Variants in GPC6 observed in about 807,000 individuals in gnomAD.
GPC6 encodes glypican 6, also known as glypican-6.
A neutral mutation model predicts 55.2 loss-of-function variants in GPC6; 14 were observed. The ratio of observed to expected loss-of-function variants is 0.25; its 90% CI spans 0.17 to 0.40. The LOEUF (loss-of-function observed/expected upper bound fraction) is 0.40. Among genes scored for constraint, GPC6 ranks in the 10% least tolerant of loss-of-function variants. The probability of loss-of-function intolerance (pLI) is 1.00; values close to 1 mark genes in which losing one functional copy is unlikely to be tolerated. For missense variants in GPC6, 641 were observed against 708.5 expected (o/e 0.90, Z 1.08); for synonymous variants, 278 against 259.6 (o/e 1.07, Z -0.68).
At position 94,305,038 on chromosome 13, in the gene GPC6, G is replaced by T. The variant is rs145693012; in HGVS notation, c.1009-942G>T. ...TGTCATGATAACAGGAATCCCAAACGGATGTTTATAGAATGCCAAATTCAA... is the reference window on the plus strand; with the variant it reads ...TGTCATGATAACAGGAATCCCAAACTGATGTTTATAGAATGCCAAATTCAA... On this transcript the variant is annotated intron_variant, in intron 5 of 8. Coordinates refer to ENST00000377047, the MANE Select transcript of GPC6 (RefSeq NM_005708.5). Among the ~76,000 whole-genome samples, 13 of 152,216 alleles carry T rather than the reference G, an allele frequency of 8.5e-5. 1 individual carries two copies. In the East Asian group the frequency reaches 2.5e-3, roughly 29 times the overall value.
intron 2 of GPC6, among the ~76,000 whole-genome samples, chr13:93,565,945 A>C (rs561411426): frequency 1.3e-5 from 2 of 151,314 alleles, no homozygotes; most frequent in East Asian, 3.9e-4. Context: ...AAAAAAAAAA[A>C]AGAAAAAAAA....
chr13:93,972,949 TTC>T (rs1208989915), intron 3 of GPC6, among the ~76,000 whole-genome samples: 3 of 141,026 alleles, frequency 2.1e-5, no homozygotes, highest in Non-Finnish European at 3.2e-5. Flanking sequence ...CTCTCTGTCT[TTC>T]TCTCTCTCTC....
At chr13:93,483,042 C>T (rs1282121522) in intron 1 of GPC6, among the ~76,000 whole-genome samples, 1 of 152,128 alleles carries the variant, frequency 6.6e-6, no homozygotes, top group Non-Finnish European at 1.5e-5. Context: ...CAGACAGGCA[C>T]TCATCCTGAT....
At chr13:93,974,596 AT>A (rs1239874751) in intron 3 of GPC6, among the ~76,000 whole-genome samples, 1 of 152,102 alleles carries the variant, frequency 6.6e-6, no homozygotes, top group Non-Finnish European at 1.5e-5. Context: ...GGGCTATTTT[AT>A]TTTTTAATAG....
intron 7 of GPC6, among the ~76,000 whole-genome samples, chr13:94,386,142 G>T (rs1357721336): frequency 6.6e-6 from 1 of 151,822 alleles, no homozygotes; most frequent in African/African-American, 2.4e-5. Flanking sequence ...GGCGGATGAT[G>T]AGGTCAGCAG....
In GPC6 at chr13:93,651,054, A is replaced by G. The variant is rs1462847914; in HGVS notation, c.319+105633A>G. Among the ~76,000 whole-genome samples the G allele has an allele frequency of 2.0e-5, 3 of 152,200 alleles. No homozygotes were observed. The East Asian group carries it at 5.8e-4, about 29-fold the overall frequency. ...GAACTTTCTTCAGTCTGTACATCTA[A>G]ATATGCAAGTGCAAACACAAGAGGC... On this transcript the variant is annotated intron_variant, in intron 2 of 8. Transcript: ENST00000377047.
intron 1 of GPC6, among the ~76,000 whole-genome samples, chr13:93,361,703 T>C (rs2139178077): frequency 6.6e-6 from 1 of 152,306 alleles, no homozygotes; most frequent in East Asian, 1.9e-4. Flanking sequence ...CTTCCTATTC[T>C]ATTATGAGAT....
chr13:93,650,567 A>G (rs1359270230), intron 2 of GPC6, among the ~76,000 whole-genome samples: 1 of 152,208 alleles, frequency 6.6e-6, no homozygotes, highest in Non-Finnish European at 1.5e-5. Context: ...CAGTTTCATG[A>G]TAGAAATGTG....
intron 3 of GPC6, among the ~76,000 whole-genome samples, chr13:94,009,686 A>G (rs1441252797): frequency 6.6e-6 from 1 of 152,200 alleles, no homozygotes; most frequent in Non-Finnish European, 1.5e-5. Flanking sequence ...ACATAATAGG[A>G]GAACAGAACC....
At chr13:93,923,188 C>A (rs1329116454) in intron 3 of GPC6, among the ~76,000 whole-genome samples, 1 of 152,178 alleles carries the variant, frequency 6.6e-6, no homozygotes, top group Non-Finnish European at 1.5e-5. Context: ...TATGCAAACA[C>A]AATTGCAGGC....
chr13:94,026,695 A>G (rs1594676575), intron 3 of GPC6, among the ~76,000 whole-genome samples: 3 of 152,172 alleles, frequency 2.0e-5, no homozygotes, highest in Admixed American at 2.0e-4. Context: ...TTTAAAGGAA[A>G]GAAGTTTAAT....
intron 3 of GPC6, among the ~76,000 whole-genome samples, chr13:93,846,738 G>C (rs979741442): frequency 6.6e-6 from 1 of 152,004 alleles, no homozygotes; most frequent in Admixed American, 6.6e-5. Context: ...CACTTGAACC[G>C]GGGAGACGGA....
intron 4 of GPC6, among the ~76,000 whole-genome samples, chr13:94,213,069 T>C (rs887518420): frequency 3.9e-5 from 6 of 152,060 alleles, no homozygotes; most frequent in African/African-American, 1.4e-4. Flanking sequence ...GGCAGGAGAA[T>C]CACTTGAACC....
intron 4 of GPC6, among the ~76,000 whole-genome samples, chr13:94,085,119 C>T (rs1399677364): frequency 6.6e-6 from 1 of 151,556 alleles, no homozygotes; most frequent in East Asian, 1.9e-4. Flanking sequence ...GTCAGGAGTT[C>T]GAGACCAGCC....
At chr13:93,549,197 C>CGTA (rs1264611927) in intron 2 of GPC6, among the ~76,000 whole-genome samples, 1 of 152,112 alleles carries the variant, frequency 6.6e-6, no homozygotes, top group Non-Finnish European at 1.5e-5. Context: ...CACATTACTC[C>CGTA]CTTCCTTCTC....
At chr13:93,265,382 G>T (rs1877288671) in intron 1 of GPC6, among the ~76,000 whole-genome samples, 1 of 152,180 alleles carries the variant, frequency 6.6e-6, no homozygotes, top group African/African-American at 2.4e-5. Context: ...AACAGTTTGA[G>T]TACTCGCATG....
intron 1 of GPC6, among the ~76,000 whole-genome samples, chr13:93,323,702 C>T (rs572608823): frequency 6.6e-6 from 1 of 152,094 alleles, no homozygotes; most frequent in African/African-American, 2.4e-5. Flanking sequence ...ACCCTGCACC[C>T]AAGGACTTAG....
intron 4 of GPC6, among the ~76,000 whole-genome samples, chr13:94,052,109 T>C (rs1247654186): frequency 6.6e-6 from 1 of 152,194 alleles, no homozygotes; most frequent in Non-Finnish European, 1.5e-5. Context: ...AGCATCATGT[T>C]AATCAGGCTG....
At chr13:93,997,447 G>C (rs1331330536) in intron 3 of GPC6, among the ~76,000 whole-genome samples, 1 of 152,152 alleles carries the variant, frequency 6.6e-6, no homozygotes, top group Non-Finnish European at 1.5e-5. Flanking sequence ...TTGGTCAGGG[G>C]AAACTGAGGG....
Sources: allele counts gnomAD v4.1 joint callset (sites outside exome capture counted in the v4.1 genomes callset), GRCh38; gene constraint gnomAD v4.1.1; transcripts MANE v1.5; gene names NCBI Gene and HGNC (gene_info 2026-07-23, HGNC 2026-07-21).